The following MGLL variants were observed in gnomAD, a reference collection of about 807,000 sequenced individuals.
The protein encoded by MGLL is lysophospholipase homolog.
A neutral mutation model predicts 29.1 loss-of-function variants in MGLL; 7 were observed. The observed-to-expected ratio is 0.24, with a 90% CI of 0.14 to 0.45. The LOEUF (loss-of-function observed/expected upper bound fraction) is 0.45. MGLL is among the 20% of genes least tolerant of loss of function. The pLI is 0.99. For synonymous variants in MGLL, 148 were observed against 168.3 expected (o/e 0.88, Z 0.93); for missense variants, 356 against 413.6 (o/e 0.86, Z 1.21).
chr3:127,793,019 T>G (rs1201498064), intron 2 of MGLL, among the ~76,000 whole-genome samples: 2 of 152,250 alleles, frequency 1.3e-5, no homozygotes, highest in African/African-American at 2.4e-5. Flanking sequence ...TATTTTTTCT[T>G]GGGAGCAATG....
At chr3:127,804,660 C>T (rs898279139) in intron 2 of MGLL, among the ~76,000 whole-genome samples, 5 of 152,198 alleles carry the variant, frequency 3.3e-5, no homozygotes, top group Non-Finnish European at 7.3e-5. Context: ...GAACATGTTT[C>T]CCCAAAACAC....
chr3:127,802,537 T>C (rs9882914), intron 2 of MGLL, among the ~76,000 whole-genome samples: 29,852 of 152,200 alleles, frequency 0.2, 3,057 homozygotes, highest in South Asian at 0.27. Context: ...CTTAGATGGC[T>C]ATTATTACTC....
intron 5 of MGLL, among the ~76,000 whole-genome samples, chr3:127,718,538 G>A (rs1053249257): frequency 6.6e-6 from 1 of 152,198 alleles, no homozygotes; most frequent in African/African-American, 2.4e-5. Flanking sequence ...GGTAGGTCCT[G>A]ATGGGGAAGG....
chr3:127,797,296 G>A lies in MGLL; in HGVS notation c.156-15401C>T, dbSNP rs527248428. ...TCCCTGAGAACACCTGGGCAAAGCTGAGAATCCTCCTGGCTTTTTGCAGGC... is the reference window on the plus strand; with the variant it reads ...TCCCTGAGAACACCTGGGCAAAGCTAAGAATCCTCCTGGCTTTTTGCAGGC... On this transcript the variant is annotated intron_variant, in intron 2 of 7. Transcript: ENST00000265052. Among the ~76,000 whole-genome samples, 3 of 152,086 alleles carry A rather than the reference G, an allele frequency of 2.0e-5. No individual in the cohort carries two copies. In the South Asian group the frequency reaches 6.2e-4, roughly 32 times the overall value.
intron 2 of MGLL, among the ~76,000 whole-genome samples, chr3:127,786,862 C>G (rs2077223664): frequency 6.6e-6 from 1 of 152,182 alleles, no homozygotes; most frequent in Non-Finnish European, 1.5e-5. Context: ...AAGCCATTTG[C>G]TCCGATGGCG....
intron 2 of MGLL, among the ~76,000 whole-genome samples, chr3:127,820,431 G>C (rs143262389): frequency 5.3e-5 from 8 of 152,150 alleles, no homozygotes; most frequent in African/African-American, 1.9e-4. Flanking sequence ...TGTTGACTTC[G>C]AACTAGGACA....
At chr3:127,740,787 C>G (rs756182737) in intron 3 of MGLL, among the ~76,000 whole-genome samples, 2 of 152,192 alleles carry the variant, frequency 1.3e-5, no homozygotes, top group Non-Finnish European at 1.5e-5. Flanking sequence ...AAAATGTGGC[C>G]GTGTCGACGT....
intron 3 of MGLL, among the ~76,000 whole-genome samples, chr3:127,768,398 G>C (rs1223405138): frequency 2.0e-5 from 3 of 152,136 alleles, no homozygotes; most frequent in Non-Finnish European, 2.9e-5. Flanking sequence ...ACCAGGATTT[G>C]AGCCCATAGC....
intron 6 of MGLL, among the ~76,000 whole-genome samples, chr3:127,710,089 C>T (rs2075681812): frequency 6.6e-6 from 1 of 152,210 alleles, no homozygotes; most frequent in Non-Finnish European, 1.5e-5. Flanking sequence ...TGTTTTTCCA[C>T]TGGGGTTGCT....
At chr3:127,704,059 T>A (rs1486702880) in intron 6 of MGLL, among the ~76,000 whole-genome samples, 1 of 152,198 alleles carries the variant, frequency 6.6e-6, no homozygotes, top group Admixed American at 6.5e-5. Flanking sequence ...AATGGAGATC[T>A]CAGAAATAAG....
chr3:127,738,130 C>T (rs916660856), intron 3 of MGLL, among the ~76,000 whole-genome samples: 2 of 151,778 alleles, frequency 1.3e-5, no homozygotes, highest in African/African-American at 2.4e-5. Context: ...TGAAACCCCA[C>T]CTGTACAAAA....
Position 127,821,458 on chromosome 3 carries a change from G to A in MGLL, c.155+236C>T, listed in dbSNP as rs149887705. ...GTGGAATTTTTGAAAATTGCCATAC[G>A]GTAGGATCCATATCTGAGTTGTTAT... On this transcript the variant is annotated intron_variant, in intron 2 of 7. Coordinates refer to ENST00000265052, the MANE Select transcript of MGLL (RefSeq NM_007283.7). Among the ~76,000 whole-genome samples the A allele has an allele frequency of 1.2e-4, 18 of 152,216 alleles. 1 individual carries two copies. Among genetic ancestry groups the A allele is most frequent in the Non-Finnish European group, 1.9e-4 (13 of 68,010 alleles).
intron 3 of MGLL, among the ~76,000 whole-genome samples, chr3:127,736,544 G>A (rs2076246008): frequency 6.6e-6 from 1 of 152,348 alleles, no homozygotes; most frequent in Middle Eastern, 3.4e-3. Context: ...TGGGTTTAAT[G>A]AATGAATAAG....
intron 6 of MGLL, among the ~76,000 whole-genome samples, chr3:127,699,108 T>C (rs2075428606): frequency 6.6e-6 from 1 of 152,254 alleles, no homozygotes; most frequent in South Asian, 2.1e-4. Context: ...GGCCTCAGTT[T>C]CCCCATCAGG....
chr3:127,779,645 A>G (rs1209160113), intron 3 of MGLL, among the ~76,000 whole-genome samples: 2 of 152,196 alleles, frequency 1.3e-5, no homozygotes, highest in Admixed American at 6.5e-5. Flanking sequence ...AATGCTGAAC[A>G]GCGAAATACT....
chr3:127,722,014 T>C (rs899019142), intron 4 of MGLL, among the ~76,000 whole-genome samples: 2 of 152,242 alleles, frequency 1.3e-5, no homozygotes, highest in African/African-American at 4.8e-5. Flanking sequence ...ATTGTTTCCA[T>C]GTGGACCCTC....
intron 3 of MGLL, among the ~76,000 whole-genome samples, chr3:127,759,517 C>T (rs771198302): frequency 1.3e-5 from 2 of 152,178 alleles, no homozygotes; most frequent in African/African-American, 2.4e-5. Context: ...TGTTCACCTG[C>T]GGCCATTTAA....
At chr3:127,707,855 C>T (rs143404357) in intron 6 of MGLL, among the ~76,000 whole-genome samples, 1 of 152,224 alleles carries the variant, frequency 6.6e-6, no homozygotes, top group South Asian at 2.1e-4. Flanking sequence ...TGAAGAGAGC[C>T]CACTAGCAGT....
intron 2 of MGLL, among the ~76,000 whole-genome samples, chr3:127,797,720 A>G (rs1227101688): frequency 1.3e-5 from 2 of 152,068 alleles, no homozygotes; most frequent in Non-Finnish European, 2.9e-5. Context: ...CGGTCCTCCC[A>G]CCTCAGCCTC....
Sources: allele counts gnomAD v4.1 joint callset (sites outside exome capture counted in the v4.1 genomes callset), GRCh38; gene constraint gnomAD v4.1.1; transcripts MANE v1.5; gene names NCBI Gene and HGNC (gene_info 2026-07-23, HGNC 2026-07-21).